The following FRMD3 variants were observed in gnomAD, a reference collection of about 807,000 sequenced individuals.
The protein encoded by FRMD3 is FERM domain-containing protein 3.
Under a neutral mutation model 70.2 loss-of-function variants are expected in FRMD3, and 33 were observed. That is an observed-to-expected ratio of 0.47 (90% CI 0.36 to 0.63). FRMD3 has a LOEUF of 0.63. FRMD3 is among the 20% of genes least tolerant of loss of function. The pLI, the probability that FRMD3 is intolerant of heterozygous loss-of-function variation, is 0.00. For missense variants in FRMD3, 632 were observed against 711.4 expected (o/e 0.89, Z 1.27); for synonymous variants, 279 against 255.9 (o/e 1.09, Z -0.86).
At chr9:83,563,669 C>T in the FRMD3 span, among the ~76,000 whole-genome samples, 2 of 152,170 alleles carry the variant, frequency 1.3e-5, no homozygotes, top group African/African-American at 4.8e-5. Flanking sequence ...ATTTTAACTA[C>T]TCCTTGAGTC....
At chr9:83,336,147 C>T (rs1393982193) in intron 5 of FRMD3, among the ~76,000 whole-genome samples, 2 of 152,014 alleles carry the variant, frequency 1.3e-5, no homozygotes, top group African/African-American at 2.4e-5. Flanking sequence ...TTAGAAACAA[C>T]GTATTGTATA....
intron 2 of FRMD3, among the ~76,000 whole-genome samples, chr9:83,382,176 G>C (rs1825377086): frequency 6.6e-6 from 1 of 151,926 alleles, no homozygotes; most frequent in Non-Finnish European, 1.5e-5. Context: ...CCACCATGTA[G>C]CATTTGCTGT....
chr9:83,457,663 T>C (rs1284746914), intron 1 of FRMD3, among the ~76,000 whole-genome samples: 1 of 152,228 alleles, frequency 6.6e-6, no homozygotes, highest in African/African-American at 2.4e-5. Context: ...AAGTCTGTAC[T>C]GTTCACCACA....
intron 1 of FRMD3, among the ~76,000 whole-genome samples, chr9:83,504,969 C>T (rs978384152): frequency 1.6e-4 from 24 of 152,238 alleles, no homozygotes; most frequent in East Asian, 5.8e-4. Flanking sequence ...TCAAACAACA[C>T]GCAATATTGG....
chr9:83,284,179 T>C (rs1700626540), intron 13 of FRMD3, among the ~76,000 whole-genome samples: 2 of 151,308 alleles, frequency 1.3e-5, no homozygotes, highest in Admixed American at 1.3e-4. Flanking sequence ...CACAAAACCC[T>C]GTGGTAGGGA....
chr9:83,466,765 A>C (rs749206629), intron 1 of FRMD3, among the ~76,000 whole-genome samples: 1 of 152,236 alleles, frequency 6.6e-6, no homozygotes, highest in Non-Finnish European at 1.5e-5. Context: ...GAATTCGGCA[A>C]TTCCAACATC....
chr9:83,276,991 C>G (rs1288000921), intron 13 of FRMD3, among the ~76,000 whole-genome samples: 1 of 151,666 alleles, frequency 6.6e-6, no homozygotes, highest in Non-Finnish European at 1.5e-5. Context: ...AGCCACCGCA[C>G]CCAGCCAAAT....
chr9:83,560,593 G>GT, the FRMD3 span, among the ~76,000 whole-genome samples: 1 of 152,200 alleles, frequency 6.6e-6, no homozygotes, highest in Non-Finnish European at 1.5e-5. Context: ...TAAGTGGTTT[G>GT]TTACACAGCA....
Position 83,286,579 on chromosome 9 carries a change from G to A in FRMD3, c.1195+4024C>T, listed in dbSNP as rs913994880. Among the ~76,000 whole-genome samples the A allele has an allele frequency of 5.3e-5, 8 of 152,234 alleles. No homozygotes were observed. The East Asian group carries it at 9.7e-4, about 18-fold the overall frequency. ...ACTCCTGACCTCAGGTGATCCACCC[G>A]CCTCAGCCTCTGAAAGTGCTGGGGT... On this transcript the variant is annotated intron_variant, in intron 13 of 13. Transcript: ENST00000304195.
At chr9:83,357,010 T>C (rs1175451809) in intron 3 of FRMD3, among the ~76,000 whole-genome samples, 4 of 151,322 alleles carry the variant, frequency 2.6e-5, no homozygotes, top group African/African-American at 4.9e-5. Flanking sequence ...TTTCCATTCC[T>C]GAAATACTCA....
chr9:83,362,673 T>G (rs1489640982), intron 3 of FRMD3, among the ~76,000 whole-genome samples: 1 of 152,218 alleles, frequency 6.6e-6, no homozygotes. Context: ...GAAGAGTAAG[T>G]GAGCTTTCTT....
intron 1 of FRMD3, among the ~76,000 whole-genome samples, chr9:83,511,378 T>C (rs541806009): frequency 6.6e-6 from 1 of 152,322 alleles, no homozygotes; most frequent in Non-Finnish European, 1.5e-5. Flanking sequence ...GGGAGTTAGC[T>C]GAGCCCAGGG....
intron 6 of FRMD3, among the ~76,000 whole-genome samples, chr9:83,326,832 A>G (rs757982963): frequency 1.3e-5 from 2 of 152,222 alleles, no homozygotes; most frequent in Non-Finnish European, 2.9e-5. Flanking sequence ...AGAGCTAACA[A>G]TTCTCCAAAG....
At chr9:83,488,636 C>G (rs2131491642) in intron 1 of FRMD3, among the ~76,000 whole-genome samples, 1 of 152,294 alleles carries the variant, frequency 6.6e-6, no homozygotes, top group South Asian at 2.1e-4. Context: ...TCAAAATTCA[C>G]TTTCTCCACA....
chr9:83,567,522 G>A, the FRMD3 span, among the ~76,000 whole-genome samples: 3 of 152,022 alleles, frequency 2.0e-5, no homozygotes, highest in Non-Finnish European at 2.9e-5. Context: ...CGGCATCATC[G>A]GGCTACAAAT....
At chr9:83,251,690 G>GA (rs1166765304) in intron 13 of FRMD3, among the ~76,000 whole-genome samples, 1 of 152,182 alleles carries the variant, frequency 6.6e-6, no homozygotes. Context: ...TGATGGAGCT[G>GA]AAAAACACAA....
chr9:83,474,767 CCCA>C (rs994836483), intron 1 of FRMD3, among the ~76,000 whole-genome samples: 1 of 151,774 alleles, frequency 6.6e-6, no homozygotes, highest in African/African-American at 2.4e-5. Context: ...ACACTCTCTC[CCCA>C]CCACCACCAC....
At chr9:83,311,850 G>C in intron 8 of FRMD3, 37 bp downstream of exon 8, 1 of 1,447,608 alleles carries the variant, frequency 6.9e-7, no homozygotes, top group Non-Finnish European at 9.7e-7. Context: ...TCAAGATTAA[G>C]AAAAATGGAA....
intron 3 of FRMD3, among the ~76,000 whole-genome samples, chr9:83,351,866 C>T (rs972767894): frequency 1.2e-4 from 19 of 152,154 alleles, no homozygotes; most frequent in Admixed American, 9.8e-4. Context: ...TTCTTCCCCT[C>T]CTTTTGCCAT....
Sources: allele counts gnomAD v4.1 joint callset (sites outside exome capture counted in the v4.1 genomes callset), GRCh38; gene constraint gnomAD v4.1.1; transcripts MANE v1.5; gene names NCBI Gene and HGNC (gene_info 2026-07-23, HGNC 2026-07-21).